The following CMIP variants were observed in gnomAD, a reference collection of about 807,000 sequenced individuals.
CMIP encodes c-Maf inducing protein.
CMIP carries 13 observed loss-of-function variants against 97.3 expected under a neutral mutation model. The ratio of observed to expected loss-of-function variants is 0.13; its 90% CI spans 0.09 to 0.21. CMIP has a LOEUF of 0.21. CMIP is among the 10% of genes least tolerant of loss of function. CMIP has a pLI of 1.00. For missense variants in CMIP, 847 were observed against 1,024.9 expected (o/e 0.83, Z 2.37); for synonymous variants, 538 against 436.3 (o/e 1.23, Z -2.91).
rs370507271 is a variant in CMIP at position 81,701,810 on chromosome 16, C to G, written c.1896+10C>G. The G allele has an allele frequency of 5.6e-6, 9 of 1,612,802 alleles. No homozygotes were observed. Among genetic ancestry groups the G allele is most frequent in the East Asian group, 4.5e-5 (2 of 44,886 alleles). On this transcript the variant is annotated intron_variant, in intron 16 of 20. Coordinates refer to ENST00000537098, the MANE Select transcript of CMIP (RefSeq NM_198390.3). Reference sequence around the variant, plus strand: ...GGAGCTGAAGGAGCTGGTGAGTCCCCGGCTGCTCCGGACCACTCCCCTGCC... The same window carrying G: ...GGAGCTGAAGGAGCTGGTGAGTCCCGGGCTGCTCCGGACCACTCCCCTGCC...
At chr16:81,697,708 G>A (rs1039856039) in intron 14 of CMIP, 1 of 152,238 alleles carries the variant, frequency 6.6e-6, no homozygotes, top group East Asian at 1.9e-4. Flanking sequence ...CTCTCTGCTG[G>A]GTGGCTGGTT....
intron 1 of CMIP, among the ~76,000 whole-genome samples, chr16:81,605,892 CAGATGAAT>C (rs2091736078): frequency 6.6e-6 from 1 of 152,336 alleles, no homozygotes; most frequent in Admixed American, 6.5e-5. Context: ...AAATGTCTGT[CAGATGAAT>C]GAAGGAATGA....
chr16:81,569,540 T>G (rs762040285), intron 1 of CMIP, among the ~76,000 whole-genome samples: 4 of 152,212 alleles, frequency 2.6e-5, no homozygotes, highest in Non-Finnish European at 4.4e-5. Context: ...AGGAACTGAT[T>G]CCACAGGACA....
intron 1 of CMIP, among the ~76,000 whole-genome samples, chr16:81,562,010 G>A (rs2090893084): frequency 6.6e-6 from 1 of 152,204 alleles, no homozygotes; most frequent in Admixed American, 6.5e-5. Flanking sequence ...GGACATGACA[G>A]TGGTCGGACT....
Position 81,445,744 on chromosome 16 carries a change from C to T in CMIP, c.300+203C>T, listed in dbSNP as rs527327315. Reference sequence around the variant, plus strand: ...GAGTCTGAAGCCCAAACCAGCCGACCGGGCTCAGGAGAGACCCTTAAAATG... The same window carrying T: ...GAGTCTGAAGCCCAAACCAGCCGACTGGGCTCAGGAGAGACCCTTAAAATG... On this transcript the variant is annotated intron_variant, in intron 1 of 20. Transcript: ENST00000537098. 2.0e-3 allele frequency among the ~76,000 whole-genome samples: 298 copies of T among 152,210 alleles called. 2 individuals carry two copies. The highest frequency in any genetic ancestry group is 7.0e-3 in the African/African-American group (289 of 41,540).
chr16:81,700,290 A>G (rs2151095161), intron 15 of CMIP, among the ~76,000 whole-genome samples: 1 of 152,010 alleles, frequency 6.6e-6, no homozygotes. Flanking sequence ...GCCTCCAGGT[A>G]GCCTGTCCAC....
chr16:81,570,895 C>T (rs554063127), intron 1 of CMIP, among the ~76,000 whole-genome samples: 6 of 152,212 alleles, frequency 3.9e-5, no homozygotes, highest in Non-Finnish European at 7.4e-5. Context: ...GAAATGATCA[C>T]AGCCCAGAGG....
chr16:81,705,759 G>A (rs892469693), intron 19 of CMIP, among the ~76,000 whole-genome samples, 155 bp downstream of exon 19: 4 of 152,262 alleles, frequency 2.6e-5, no homozygotes, highest in Non-Finnish European at 5.9e-5. Flanking sequence ...CTGTGGACCA[G>A]GCACCATTCC....
At chr16:81,586,204 A>G (rs553615506) in intron 1 of CMIP, among the ~76,000 whole-genome samples, 1 of 152,080 alleles carries the variant, frequency 6.6e-6, no homozygotes, top group Admixed American at 6.5e-5. Flanking sequence ...CCCACTTACC[A>G]GGCTCTTTCA....
rs373814316 is a variant in CMIP at position 81,445,319 on chromosome 16, C to A, written c.78C>A (p.Asp26Glu). 5 of 1,579,684 alleles carry A rather than the reference C, an allele frequency of 3.2e-6. No homozygotes were observed. The African/African-American group carries it at 5.4e-5, about 17-fold the overall frequency. The change falls in exon 1 of 21, where the codon GAC becomes GAA. Residue 26 changes from aspartate to glutamate, a missense_variant. By Grantham distance (45) the Asp-to-Glu change is conservative (BLOSUM62 2). Transcript: ENST00000537098. ...IEETKPLLGG[D>E]VSAPEGTKMG... is the part of the protein sequence containing the mutation. The stretch of plus-strand genomic sequence containing the variant: ...AGACCAAGCCGCTGCTGGGGGGCGA[C>A]GTGTCGGCCCCCGAAGGCACGAAGA...
At chr16:81,664,632 T>G (rs1016241744) in intron 7 of CMIP, 2 of 577,166 alleles carry the variant, frequency 3.5e-6, no homozygotes. Context: ...GCCCAAATAA[T>G]GTCTGTAGAT....
chr16:81,543,330 C>T (rs1021290674), intron 1 of CMIP, among the ~76,000 whole-genome samples: 1 of 152,192 alleles, frequency 6.6e-6, no homozygotes, highest in Non-Finnish European at 1.5e-5. Context: ...AGCCGGAGAG[C>T]GCTCTTTGTT....
At chr16:81,539,430 T>G (rs544830210) in intron 1 of CMIP, among the ~76,000 whole-genome samples, 44 of 152,314 alleles carry the variant, frequency 2.9e-4, no homozygotes, top group African/African-American at 1.0e-3. Context: ...AAGGGCCGTT[T>G]GAAGCACAGA....
chr16:81,581,885 T>G (rs1397962524), intron 1 of CMIP, among the ~76,000 whole-genome samples: 1 of 152,144 alleles, frequency 6.6e-6, no homozygotes, highest in Admixed American at 6.5e-5. Context: ...GTTCTTACCT[T>G]GCTCTAAAGA....
At chr16:81,580,760 G>A (rs2091282943) in intron 1 of CMIP, among the ~76,000 whole-genome samples, 1 of 147,730 alleles carries the variant, frequency 6.8e-6, no homozygotes, top group African/African-American at 2.5e-5. Context: ...TCATGCCACT[G>A]CACTCCAGCC....
chr16:81,610,225 A>T, intron 2 of CMIP: 3 of 698,952 alleles, frequency 4.3e-6, no homozygotes, highest in Non-Finnish European at 5.3e-6. Context: ...ATGTCCCTTT[A>T]ACCCGGCTGT....
intron 2 of CMIP, among the ~76,000 whole-genome samples, chr16:81,609,845 G>A (rs1308130781): frequency 6.6e-6 from 1 of 152,194 alleles, no homozygotes; most frequent in South Asian, 2.1e-4. Flanking sequence ...GATATGTCTA[G>A]ATCTGTTGGG....
chr16:81,585,519 C>T (rs1052224373), intron 1 of CMIP, among the ~76,000 whole-genome samples: 1 of 152,180 alleles, frequency 6.6e-6, no homozygotes, highest in Non-Finnish European at 1.5e-5. Context: ...GATTTCTGTC[C>T]TGTGGATTTG....
At chr16:81,631,885 C>G (rs1215905756) in intron 3 of CMIP, 2 of 152,216 alleles carry the variant, frequency 1.3e-5, no homozygotes, top group East Asian at 3.8e-4. Flanking sequence ...GTGGTTGCAC[C>G]AGTGTATACT....
Sources: gnomAD v4.1 joint callset for allele counts (sites outside exome capture counted in the v4.1 genomes callset) on GRCh38, gnomAD v4.1.1 for gene constraint, MANE v1.5 for transcripts, NCBI Gene and HGNC (gene_info 2026-07-23, HGNC 2026-07-21) for gene names.